Variants in RBMS1 observed in about 807,000 individuals in gnomAD.
RBMS1 encodes the protein RNA binding motif single stranded interacting protein 1.
A neutral mutation model predicts 62.3 loss-of-function variants in RBMS1; 17 were observed. The ratio of observed to expected loss-of-function variants is 0.27; its 90% CI spans 0.19 to 0.41. The LOEUF (loss-of-function observed/expected upper bound fraction) is 0.41. Ranked by LOEUF, RBMS1 falls within the 10% of genes least tolerant of loss-of-function variation. The pLI is 1.00. For missense variants in RBMS1, 334 were observed against 504.5 expected (o/e 0.66, Z 3.24); for synonymous variants, 172 against 170.0 (o/e 1.01, Z -0.09).
chr2:160,357,107 T>G (rs1692843982), intron 2 of RBMS1, among the ~76,000 whole-genome samples: 1 of 152,102 alleles, frequency 6.6e-6, no homozygotes, highest in Admixed American at 6.6e-5. Flanking sequence ...TTCACCTTCG[T>G]ATAATGGTTA....
intron 2 of RBMS1, among the ~76,000 whole-genome samples, chr2:160,364,596 C>G (rs1388261644): frequency 6.6e-6 from 1 of 152,294 alleles, no homozygotes; most frequent in East Asian, 1.9e-4. Context: ...ATCTCAATAT[C>G]ACAACATCTG....
chr2:160,326,292 C>T (rs866753564), intron 2 of RBMS1, among the ~76,000 whole-genome samples: 1 of 152,254 alleles, frequency 6.6e-6, no homozygotes, highest in South Asian at 2.1e-4. Context: ...GCAGATGCCA[C>T]ACCTACCATT....
chr2:160,304,336 G>T (rs1559349903), intron 4 of RBMS1, among the ~76,000 whole-genome samples: 1 of 152,152 alleles, frequency 6.6e-6, no homozygotes, highest in Non-Finnish European at 1.5e-5. Context: ...AAATGTTCTT[G>T]AAGTCTTGTG....
At chr2:160,354,725 A>C (rs1692699039) in intron 2 of RBMS1, among the ~76,000 whole-genome samples, 1 of 152,158 alleles carries the variant, frequency 6.6e-6, no homozygotes, top group African/African-American at 2.4e-5. Flanking sequence ...CTTTATTAAC[A>C]TGTGACACTT....
chr2:160,358,155 G>A (rs1002593402), intron 2 of RBMS1, among the ~76,000 whole-genome samples: 3 of 152,222 alleles, frequency 2.0e-5, no homozygotes, highest in East Asian at 3.9e-4. Context: ...TCTCAACTCT[G>A]CTTTGGTGTC....
Position 160,419,540 on chromosome 2 carries a change from GA to G in RBMS1, c.76-52150del, listed in dbSNP as rs538726799. On this transcript the variant is annotated intron_variant, in intron 1 of 13. Transcript: ENST00000348849. Reference sequence around the variant, plus strand: ...TTTAAAAGGTTATATCAGTAAATAAGAATGGACAAAGTGCTGATAATTGCTG... The same window carrying G: ...TTTAAAAGGTTATATCAGTAAATAAGATGGACAAAGTGCTGATAATTGCTG... Among the ~76,000 whole-genome samples, 12 of 152,256 alleles carry G rather than the reference GA, an allele frequency of 7.9e-5. No individual in the cohort carries two copies. The East Asian group carries it at 2.1e-3, about 27-fold the overall frequency.
chr2:160,438,178 G>A (rs1455242187), intron 1 of RBMS1, among the ~76,000 whole-genome samples: 2 of 151,902 alleles, frequency 1.3e-5, no homozygotes, highest in African/African-American at 4.8e-5. Flanking sequence ...GATCATTATA[G>A]CAGACTCCAT....
At chr2:160,377,196 G>A (rs968356649) in intron 1 of RBMS1, among the ~76,000 whole-genome samples, 10 of 151,998 alleles carry the variant, frequency 6.6e-5, no homozygotes, top group Non-Finnish European at 1.2e-4. Context: ...AAACTGAAAC[G>A]TAAGTTTTGT....
At chr2:160,441,734 T>A (rs1292252438) in intron 1 of RBMS1, among the ~76,000 whole-genome samples, 1 of 152,222 alleles carries the variant, frequency 6.6e-6, no homozygotes, top group Non-Finnish European at 1.5e-5. Flanking sequence ...TATAAGAAAC[T>A]GCTGAACAGT....
chr2:160,366,247 GA>G (rs1436882717), intron 2 of RBMS1, among the ~76,000 whole-genome samples: 1 of 151,938 alleles, frequency 6.6e-6, no homozygotes, highest in Non-Finnish European at 1.5e-5. Context: ...AGTTAGTTTT[GA>G]ATTTTTTTTT....
intron 2 of RBMS1, among the ~76,000 whole-genome samples, chr2:160,334,243 G>T (rs993318916): frequency 6.6e-6 from 1 of 152,176 alleles, no homozygotes; most frequent in African/African-American, 2.4e-5. Context: ...AAATATTTTT[G>T]AGTAACCATA....
chr2:160,294,895 A>G (rs1688856255), intron 6 of RBMS1, among the ~76,000 whole-genome samples: 1 of 152,212 alleles, frequency 6.6e-6, no homozygotes, highest in Admixed American at 6.5e-5. Context: ...TCTTCTGATA[A>G]TAATCATATG....
chr2:160,420,820 T>G (rs1160192369), intron 1 of RBMS1, among the ~76,000 whole-genome samples: 3 of 152,206 alleles, frequency 2.0e-5, no homozygotes. Context: ...TTAACCTCAG[T>G]ACCCCCTACA....
intron 7 of RBMS1, among the ~76,000 whole-genome samples, chr2:160,286,418 G>A (rs575332311): frequency 1.3e-5 from 2 of 149,924 alleles, no homozygotes; most frequent in African/African-American, 2.5e-5. Flanking sequence ...CTCCCGGGCT[G>A]CAGCGATTCT....
At chr2:160,414,991 A>G (rs189217229) in intron 1 of RBMS1, among the ~76,000 whole-genome samples, 64 of 152,330 alleles carry the variant, frequency 4.2e-4, no homozygotes, top group African/African-American at 1.5e-3. Context: ...TATAGATCAA[A>G]TTCCACAGCA....
intron 1 of RBMS1, among the ~76,000 whole-genome samples, chr2:160,372,345 A>G (rs1693770673): frequency 1.3e-5 from 2 of 151,972 alleles, no homozygotes; most frequent in South Asian, 4.2e-4. Flanking sequence ...CCCTACACCC[A>G]CCACCACCAC....
At chr2:160,474,264 A>T (rs1377033700) in intron 1 of RBMS1, among the ~76,000 whole-genome samples, 1 of 152,226 alleles carries the variant, frequency 6.6e-6, no homozygotes, top group Non-Finnish European at 1.5e-5. Context: ...AAATAAAAAG[A>T]AACAAAATAA....
intron 1 of RBMS1, among the ~76,000 whole-genome samples, chr2:160,435,925 G>A (rs1163879147): frequency 6.6e-6 from 1 of 152,192 alleles, no homozygotes; most frequent in Non-Finnish European, 1.5e-5. Context: ...GGGGTATAGA[G>A]GAGCAGGAGG....
chr2:160,359,967 A>G lies in RBMS1; in HGVS notation c.251+7249T>C, dbSNP rs574400165. ...AGAATAACTTAAAATATTCTTTTAA[A>G]TCCCAGCTACTTGGGAGGCTGAGGC... On this transcript the variant is annotated intron_variant, in intron 2 of 13. Coordinates refer to ENST00000348849, the MANE Select transcript of RBMS1 (RefSeq NM_016836.4). Among the ~76,000 whole-genome samples the G allele has an allele frequency of 6.6e-5, 10 of 152,284 alleles. No individual in the cohort carries two copies. The East Asian group carries it at 1.9e-3, about 29-fold the overall frequency.
Sources: allele counts gnomAD v4.1 joint callset (sites outside exome capture counted in the v4.1 genomes callset), GRCh38; gene constraint gnomAD v4.1.1; transcripts MANE v1.5; gene names NCBI Gene and HGNC (gene_info 2026-07-23, HGNC 2026-07-21).